NARS2: variants seen among roughly 807,000 people sequenced by gnomAD.
NARS2 encodes asparaginyl-tRNA synthetase 2, mitochondrial, also known as asparaginyl-tRNA synthetase.
NARS2 carries 60 observed loss-of-function variants against 62.9 expected under a neutral mutation model. That is an observed-to-expected ratio of 0.95 (90% CI 0.77 to 1.18). NARS2 has a LOEUF of 1.18. Among genes scored for constraint, NARS2 ranks in the 50% most tolerant of loss-of-function variants. NARS2 has a pLI of 0.00. For missense variants in NARS2, 619 were observed against 576.4 expected (o/e 1.07, Z -0.76); for synonymous variants, 196 against 200.0 (o/e 0.98, Z 0.17).
intron 5 of NARS2, among the ~76,000 whole-genome samples, chr11:78,545,103 TAATAA>T (rs1233845266): frequency 1.3e-5 from 2 of 152,202 alleles, no homozygotes; most frequent in African/African-American, 4.8e-5. Context: ...AGTATTTACA[TAATAA>T]AATACACTGA....
At chr11:78,481,356 A>C (rs973441618) in intron 7 of NARS2, among the ~76,000 whole-genome samples, 2 of 152,174 alleles carry the variant, frequency 1.3e-5, no homozygotes, top group Admixed American at 6.6e-5. Flanking sequence ...AGTGAGATAA[A>C]TAAATTACTA....
chr11:78,495,220 C>T (rs1206129340), intron 6 of NARS2, among the ~76,000 whole-genome samples: 2 of 152,176 alleles, frequency 1.3e-5, no homozygotes, highest in Non-Finnish European at 1.5e-5. Flanking sequence ...CTTTCCCACA[C>T]ATCCTTTTAT....
intron 4 of NARS2, among the ~76,000 whole-genome samples, chr11:78,562,003 C>A (rs1451630704): frequency 6.6e-6 from 1 of 152,074 alleles, no homozygotes; most frequent in Admixed American, 6.6e-5. Context: ...CCACTGTGCT[C>A]TAGCCTGGGT....
intron 7 of NARS2, among the ~76,000 whole-genome samples, chr11:78,492,563 G>T (rs1009719780): frequency 6.6e-6 from 1 of 152,054 alleles, no homozygotes; most frequent in African/African-American, 2.4e-5. Flanking sequence ...CTTGTCCCCT[G>T]CTCAACTGAG....
intron 12 of NARS2, among the ~76,000 whole-genome samples, chr11:78,443,189 G>C (rs1857630261): frequency 6.6e-6 from 1 of 151,968 alleles, no homozygotes; most frequent in Non-Finnish European, 1.5e-5. Flanking sequence ...AGCCGGGCGT[G>C]GTGGCGGGCG....
intron 4 of NARS2, among the ~76,000 whole-genome samples, chr11:78,561,639 T>C (rs1456776193): frequency 1.3e-5 from 2 of 152,248 alleles, no homozygotes; most frequent in African/African-American, 4.8e-5. Context: ...AGATTATCTT[T>C]TTCTTTCACG....
chr11:78,559,537 A>C lies in NARS2; in HGVS notation c.594+2T>G. The C allele has an allele frequency of 6.3e-7, 1 of 1,594,400 alleles. No homozygotes were observed. The highest frequency in any genetic ancestry group is 8.6e-7 in the Non-Finnish European group (1 of 1,162,498). ...CCCCTCAAGATGGGAAGCAAAACTT[A>C]CTTCAAGTTGAAAAAGTTCTCCAGC... On this transcript the variant is annotated splice_donor_variant, in intron 5 of 13. Transcript: ENST00000281038. LOFTEE classifies it high-confidence loss of function.
Position 78,447,540 on chromosome 11 carries a change from T to C in NARS2, c.1165-3782A>G, listed in dbSNP as rs188797628. On this transcript the variant is annotated intron_variant, in intron 11 of 13. Transcript: ENST00000281038. ...AGAAATCAGTATATTGGTGGTGATA[T>C]CTGCACTCTAATGTTCACTGCAGCA... Among the ~76,000 whole-genome samples, 49 of 152,282 alleles carry C rather than the reference T, an allele frequency of 3.2e-4. No homozygotes were observed. In the East Asian group the frequency reaches 8.7e-3, roughly 27 times the overall value.
intron 6 of NARS2, among the ~76,000 whole-genome samples, chr11:78,503,604 T>C (rs1251023840): frequency 1.3e-5 from 2 of 152,192 alleles, no homozygotes; most frequent in East Asian, 1.9e-4. Context: ...ATACGAAAGG[T>C]AGTATTTCAT....
chr11:78,478,388 A>C (rs1859198547), intron 9 of NARS2, 50 bp downstream of exon 9: 1 of 820,102 alleles, frequency 1.2e-6, no homozygotes, highest in African/African-American at 1.8e-5. Context: ...ATATAGTGTG[A>C]TAAATACAGT....
At chr11:78,514,891 G>A (rs769192797) in intron 6 of NARS2, among the ~76,000 whole-genome samples, 6 of 152,112 alleles carry the variant, frequency 3.9e-5, no homozygotes, top group Non-Finnish European at 8.8e-5. Flanking sequence ...TACCATTCAA[G>A]CTAGTAAAAA....
intron 5 of NARS2, among the ~76,000 whole-genome samples, chr11:78,537,249 T>C (rs1282758393): frequency 6.6e-6 from 1 of 152,128 alleles, no homozygotes; most frequent in Non-Finnish European, 1.5e-5. Context: ...TACAAAAAAA[T>C]GTGCATGTGG....
intron 5 of NARS2, among the ~76,000 whole-genome samples, chr11:78,530,035 G>T (rs1056675752): frequency 1.3e-5 from 2 of 151,916 alleles, no homozygotes; most frequent in Admixed American, 1.3e-4. Flanking sequence ...ATCATGTATC[G>T]GTATCTGTGG....
chr11:78,550,785 T>G (rs1251463735), intron 5 of NARS2, among the ~76,000 whole-genome samples: 2 of 152,230 alleles, frequency 1.3e-5, no homozygotes, highest in Non-Finnish European at 1.5e-5. Context: ...TTTTCAAAAA[T>G]GTTCATAGCA....
intron 5 of NARS2, among the ~76,000 whole-genome samples, chr11:78,548,800 A>AT (rs529456231): frequency 2.0e-5 from 3 of 151,804 alleles, no homozygotes; most frequent in African/African-American, 7.3e-5. Flanking sequence ...TTAAAAAAAA[A>AT]TTTTTTTTTA....
chr11:78,447,056 C>A (rs1312172852), intron 11 of NARS2, among the ~76,000 whole-genome samples: 18 of 139,106 alleles, frequency 1.3e-4, no homozygotes, highest in Non-Finnish European at 2.0e-4. Flanking sequence ...AAAAAAAAAA[C>A]AAACAAACAT....
intron 6 of NARS2, among the ~76,000 whole-genome samples, chr11:78,523,600 A>G (rs2135416835): frequency 6.6e-6 from 1 of 152,234 alleles, no homozygotes; most frequent in East Asian, 1.9e-4. Context: ...AAAATATTAT[A>G]TGCCCATGTA....
chr11:78,518,080 G>A (rs918314750), intron 6 of NARS2, among the ~76,000 whole-genome samples: 34 of 152,040 alleles, frequency 2.2e-4, no homozygotes, highest in African/African-American at 8.0e-4. Context: ...AGATTCAACC[G>A]ACTTTGGATT....
chr11:78,447,684 C>T (rs1857812622), intron 11 of NARS2, among the ~76,000 whole-genome samples: 2 of 152,000 alleles, frequency 1.3e-5, no homozygotes, highest in South Asian at 4.2e-4. Context: ...GGGGGTAAAT[C>T]CAGTCACTTG....
Sources: allele counts gnomAD v4.1 joint callset (sites outside exome capture counted in the v4.1 genomes callset), GRCh38; gene constraint gnomAD v4.1.1; transcripts MANE v1.5; gene names NCBI Gene and HGNC (gene_info 2026-07-23, HGNC 2026-07-21).